Variants in PRH1 observed in about 807,000 individuals in gnomAD.
The protein encoded by PRH1 is proline rich protein HaeIII subfamily 1.
In PRH1, 7 loss-of-function variants were observed where a neutral mutation model predicts 7.9. That is an observed-to-expected ratio of 0.89 (90% CI 0.50 to 1.67). The LOEUF (loss-of-function observed/expected upper bound fraction) is 1.67. Ranked by LOEUF, PRH1 falls within the 40% of genes most tolerant of loss-of-function variation. The pLI, the probability that PRH1 is intolerant of heterozygous loss-of-function variation, is 0.00. For missense variants in PRH1, 109 were observed against 223.6 expected, an observed-to-expected ratio of 0.49 and a Z score of 3.27; for synonymous variants, 45 against 80.8, an observed-to-expected ratio of 0.56 and a Z score of 2.38.
At chr12:11,010,725 C>G (rs1276812787) in intron 1 of PRH1, among the ~76,000 whole-genome samples, 1 of 151,706 alleles carries the variant, frequency 6.6e-6, no homozygotes, top group Non-Finnish European at 1.5e-5. Context: ...TTTACATACA[C>G]TATTATTAAA....
chr12:10,934,704 G>A (rs1266363579), intron 2 of PRH1, among the ~76,000 whole-genome samples: 1 of 151,898 alleles, frequency 6.6e-6, no homozygotes, highest in Non-Finnish European at 1.5e-5. Flanking sequence ...TTCACAAAAA[G>A]ATTATTTTGC....
intron 1 of PRH1, chr12:11,077,497 G>A: frequency 9.7e-7 from 1 of 1,030,846 alleles, no homozygotes; most frequent in South Asian, 1.5e-5. Context: ...AAGATTCCAG[G>A]TTAATGTGAT....
chr12:11,118,366 T>C (rs1464271001), downstream of PRH1, among the ~76,000 whole-genome samples: 1 of 152,056 alleles, frequency 6.6e-6, no homozygotes, highest in Non-Finnish European at 1.5e-5. Context: ...AAAACTAAAA[T>C]AAGATATCAT....
chr12:10,917,384 T>A (rs1949987641), intron 2 of PRH1, among the ~76,000 whole-genome samples: 1 of 152,218 alleles, frequency 6.6e-6, no homozygotes, highest in Non-Finnish European at 1.5e-5. Flanking sequence ...TCTTGCTATG[T>A]CCATTAATTC....
In PRH1 at chr12:11,113,455, C is replaced by G. The variant is rs146145773; in HGVS notation, n.123+57967G>C. Among the ~76,000 whole-genome samples, 234 of 152,156 alleles carry G rather than the reference C, an allele frequency of 1.5e-3. 2 individuals carry two copies. Among genetic ancestry groups the G allele is most frequent in the Admixed American group, 5.3e-3 (81 of 15,266 alleles). On this transcript the variant is annotated intron_variant and non_coding_transcript_variant, in intron 1 of 4. Coordinates refer to the PRH1 transcript ENST00000541977. ...TTTGACAAACCTGACAAAAAACAAG[C>G]AGTGAGGGAATGGATTCCCTATTTG...
At chr12:10,939,689 A>G (rs1950364318) in intron 2 of PRH1, among the ~76,000 whole-genome samples, 1 of 151,986 alleles carries the variant, frequency 6.6e-6, no homozygotes, top group South Asian at 2.1e-4. Flanking sequence ...TTGGGTGGAG[A>G]AAAATGGGGA....
At chr12:10,979,526 T>G (rs1439882486) in intron 1 of PRH1, among the ~76,000 whole-genome samples, 1 of 152,180 alleles carries the variant, frequency 6.6e-6, no homozygotes, top group Non-Finnish European at 1.5e-5. Context: ...ATCATTCAAA[T>G]GATTATAGGA....
chr12:10,895,002 G>A (rs758573059), intron 2 of PRH1: 1 of 152,106 alleles, frequency 6.6e-6, no homozygotes, highest in Non-Finnish European at 1.5e-5. Flanking sequence ...AGGACACAGA[G>A]AGAAGCTTGC....
At chr12:11,134,923 T>C (rs1028077201) in intron 1 of PRH1, among the ~76,000 whole-genome samples, 3 of 152,054 alleles carry the variant, frequency 2.0e-5, no homozygotes, top group Non-Finnish European at 2.9e-5. Flanking sequence ...AACACACACA[T>C]GTGCACACCA....
chr12:10,916,514 C>A (rs1949974466), intron 2 of PRH1, among the ~76,000 whole-genome samples: 4 of 151,812 alleles, frequency 2.6e-5, no homozygotes. Flanking sequence ...GGGAGACCTG[C>A]CACAGATAGA....
chr12:10,939,180 TA>T (rs1950350609), intron 2 of PRH1: 1 of 1,590,560 alleles, frequency 6.3e-7, no homozygotes, highest in African/African-American at 1.3e-5. Flanking sequence ...AAAACGAATG[TA>T]AATATGCTCT....
At position 11,066,775 on chromosome 12, in the gene PRH1, A is replaced by T. The variant is rs1347637470; in HGVS notation, n.124-19587T>A. Among the ~76,000 whole-genome samples, 3 of 151,664 alleles carry T rather than the reference A, an allele frequency of 2.0e-5. No individual in the cohort carries two copies. In the East Asian group the frequency reaches 5.8e-4, roughly 29 times the overall value. On this transcript the variant is annotated intron_variant and non_coding_transcript_variant, in intron 1 of 4. Coordinates refer to the PRH1 transcript ENST00000541977. ...CCCTACTATTCTTCCTCATGGCCTC[A>T]TGTTTCTTCTATGATTCTCAGCATC... is the stretch of plus-strand genomic sequence containing the variant.
intron 1 of PRH1, chr12:10,985,977 C>T: frequency 6.2e-7 from 1 of 1,611,506 alleles, no homozygotes; most frequent in South Asian, 1.1e-5. Context: ...CCTAATCTGA[C>T]ACAAAATCAA....
At chr12:10,882,961 A>T (rs1949431013) in intron 2 of PRH1, 100 bp downstream of exon 2, 2 of 1,520,148 alleles carry the variant, frequency 1.3e-6, no homozygotes, top group African/African-American at 2.7e-5. Flanking sequence ...GTATTAGCCA[A>T]TTCCTGACAA....
intron 1 of PRH1, among the ~76,000 whole-genome samples, chr12:10,994,581 T>C (rs1405760905): frequency 2.0e-5 from 3 of 152,156 alleles, no homozygotes; most frequent in Admixed American, 1.3e-4. Context: ...GTCCCAGCCA[T>C]TTCTGCAGTG....
intron 1 of PRH1, among the ~76,000 whole-genome samples, chr12:11,154,897 T>C (rs13302964): frequency 0.22 from 32,200 of 148,424 alleles, 4,004 homozygotes; most frequent in Non-Finnish European, 0.28. Flanking sequence ...GACAGAGAAT[T>C]TGAGGCTTCC....
At chr12:11,056,799 C>T (rs953454620) in intron 1 of PRH1, among the ~76,000 whole-genome samples, 1 of 151,922 alleles carries the variant, frequency 6.6e-6, no homozygotes, top group African/African-American at 2.4e-5. Flanking sequence ...GCCTGGGAGA[C>T]AGAGCTAGAC....
At chr12:10,991,095 T>G (rs761718738) in intron 1 of PRH1, among the ~76,000 whole-genome samples, 2 of 152,144 alleles carry the variant, frequency 1.3e-5, no homozygotes, top group Non-Finnish European at 2.9e-5. Flanking sequence ...AGCTGAAGAA[T>G]TAAATATTGG....
chr12:10,973,873 T>C (rs1938957819), intron 1 of PRH1, among the ~76,000 whole-genome samples: 1 of 152,218 alleles, frequency 6.6e-6, no homozygotes, highest in East Asian at 1.9e-4. Context: ...CTCTATCAAA[T>C]TCTGGCGGGC....
Sources: allele counts gnomAD v4.1 joint callset (sites outside exome capture counted in the v4.1 genomes callset), GRCh38; gene constraint gnomAD v4.1.1; transcripts MANE v1.5; gene names NCBI Gene and HGNC (gene_info 2026-07-23, HGNC 2026-07-21).